The following RANBP2 variants were observed in gnomAD, a reference collection of about 807,000 sequenced individuals.
RANBP2 encodes the protein RAN binding protein 2.
In RANBP2, 57 loss-of-function variants were observed where a neutral mutation model predicts 303.6. The observed-to-expected ratio is 0.19, with a 90% CI of 0.15 to 0.23. The LOEUF is 0.23. RANBP2 is among the 10% of genes least tolerant of loss of function. RANBP2 has a pLI of 1.00. For missense variants in RANBP2, 3,138 were observed against 3,780.8 expected, an observed-to-expected ratio of 0.83 and a Z score of 4.46; for synonymous variants, 1,167 against 1,301.5, an observed-to-expected ratio of 0.90 and a Z score of 2.23.
the RANBP2 span, among the ~76,000 whole-genome samples, chr2:109,255,571 A>G: frequency 2.6e-5 from 4 of 152,232 alleles, no homozygotes; most frequent in Admixed American, 6.5e-5. Flanking sequence ...CAAGGTTGCT[A>G]TCACCTCTAT....
the RANBP2 span, among the ~76,000 whole-genome samples, chr2:109,439,807 G>A: frequency 6.6e-6 from 1 of 152,038 alleles, no homozygotes; most frequent in East Asian, 1.9e-4. Flanking sequence ...AACCAGACAA[G>A]CCCCATTTCC....
At chr2:109,678,880 T>C in the RANBP2 span, among the ~76,000 whole-genome samples, 1 of 152,190 alleles carries the variant, frequency 6.6e-6, no homozygotes, top group East Asian at 1.9e-4. Flanking sequence ...CTGAGAGCGG[T>C]GCTCACCAGG....
chr2:109,498,957 G>T, the RANBP2 span, among the ~76,000 whole-genome samples: 2 of 152,222 alleles, frequency 1.3e-5, no homozygotes, highest in Non-Finnish European at 2.9e-5. Flanking sequence ...CAGAGCTGGT[G>T]GAGTGGGAAG....
the RANBP2 span, among the ~76,000 whole-genome samples, chr2:109,209,198 G>A: frequency 6.6e-6 from 1 of 152,322 alleles, no homozygotes; most frequent in African/African-American, 2.4e-5. Flanking sequence ...TGAGGCTGGT[G>A]GTCTCATATG....
the RANBP2 span, among the ~76,000 whole-genome samples, chr2:109,550,378 T>A: frequency 6.6e-6 from 1 of 151,534 alleles, no homozygotes; most frequent in Non-Finnish European, 1.5e-5. Context: ...AGTGGCATAA[T>A]CTTGGCTCAC....
At chr2:109,401,968 G>A in the RANBP2 span, among the ~76,000 whole-genome samples, 1 of 152,208 alleles carries the variant, frequency 6.6e-6, no homozygotes, top group Non-Finnish European at 1.5e-5. Flanking sequence ...GAAAGTCATG[G>A]CCAGGCTACT....
At chr2:109,344,595 G>A in the RANBP2 span, among the ~76,000 whole-genome samples, 1 of 152,180 alleles carries the variant, frequency 6.6e-6, no homozygotes, top group African/African-American at 2.4e-5. Flanking sequence ...TCCAGCCCAT[G>A]ACAGGCTGAT....
At chr2:109,602,638 G>GCA in the RANBP2 span, among the ~76,000 whole-genome samples, 1 of 148,308 alleles carries the variant, frequency 6.7e-6, no homozygotes, top group Non-Finnish European at 1.5e-5. Context: ...TCGCACCATT[G>GCA]CACTCCAGCC....
At position 108,751,953 on chromosome 2, in the gene RANBP2, C is replaced by T. The variant is rs772325084; in HGVS notation, c.1714C>T (p.Pro572Ser). 1 of 1,611,940 alleles carries T rather than the reference C, an allele frequency of 6.2e-7. No homozygotes were observed. The highest frequency in any genetic ancestry group is 1.1e-5 in the South Asian group (1 of 90,994). Residue 572 changes from proline to serine, a missense_variant, in exon 12 of 29, where the codon CCT becomes TCT. This residue lies in a region of RANBP2 where 162 missense variants were observed against 286.9 expected (regional missense o/e 0.56). Coordinates refer to ENST00000283195, the MANE Select transcript of RANBP2 (RefSeq NM_006267.5). ...LRAQEKHGLQPALLVHWAECL... is the reference protein window; with the variant it reads ...LRAQEKHGLQSALLVHWAECL... The stretch of plus-strand genomic sequence containing the variant: ...AGCCCAGGAAAAACATGGCCTTCAA[C>T]CTGCTCTGCTTGTACATTGGGCAGA...
chr2:109,613,334 C>G, the RANBP2 span: 2 of 379,730 alleles, frequency 5.3e-6, no homozygotes, highest in South Asian at 2.4e-5. Context: ...CTTGGACGAC[C>G]ACACCATCGG....
the RANBP2 span, among the ~76,000 whole-genome samples, chr2:108,928,230 C>T: frequency 3.3e-5 from 5 of 152,204 alleles, no homozygotes; most frequent in Non-Finnish European, 5.9e-5. Flanking sequence ...GCCCTCTGAA[C>T]TCTGGCGTCG....
chr2:109,538,023 A>C, the RANBP2 span, among the ~76,000 whole-genome samples: 1 of 152,170 alleles, frequency 6.6e-6, no homozygotes, highest in Non-Finnish European at 1.5e-5. Context: ...GAGTTTAGAA[A>C]TCTGACTCAC....
At chr2:109,655,748 G>T in the RANBP2 span, among the ~76,000 whole-genome samples, 1 of 152,144 alleles carries the variant, frequency 6.6e-6, no homozygotes, top group Non-Finnish European at 1.5e-5. Flanking sequence ...AAAGATTCTG[G>T]CCTGGGAACA....
chr2:108,773,434 T>G (rs1677650106), intron 23 of RANBP2, among the ~76,000 whole-genome samples: 1 of 152,134 alleles, frequency 6.6e-6, no homozygotes, highest in South Asian at 2.1e-4. Flanking sequence ...GGGTCTAGAC[T>G]AATCAGCTAT....
the RANBP2 span, among the ~76,000 whole-genome samples, chr2:109,164,206 C>T: frequency 6.6e-6 from 1 of 151,758 alleles, no homozygotes; most frequent in Admixed American, 6.6e-5. Context: ...AGAGTTGGGG[C>T]CTTGCTCTGT....
chr2:109,357,242 C>T, the RANBP2 span, among the ~76,000 whole-genome samples: 1 of 151,646 alleles, frequency 6.6e-6, no homozygotes, highest in Non-Finnish European at 1.5e-5. Context: ...AGTGCAGTGG[C>T]ACGATCTCGG....
chr2:109,432,431 C>A, the RANBP2 span: 128 of 1,575,974 alleles, frequency 8.1e-5, 1 homozygote, highest in African/African-American at 1.4e-3. Context: ...AACCTCCCCC[C>A]AGGAATGCCG....
the RANBP2 span, among the ~76,000 whole-genome samples, chr2:109,714,524 T>C: frequency 1.3e-5 from 2 of 152,098 alleles, no homozygotes; most frequent in African/African-American, 4.8e-5. Context: ...ATGGTCTTGT[T>C]CTCTTGACCT....
chr2:108,916,311 G>A, the RANBP2 span, among the ~76,000 whole-genome samples: 70 of 152,314 alleles, frequency 4.6e-4, 2 homozygotes, highest in East Asian at 0.013. Flanking sequence ...GTCCCTTCCT[G>A]TCGGGGCTCG....
Sources: allele counts gnomAD v4.1 joint callset (sites outside exome capture counted in the v4.1 genomes callset), GRCh38; gene constraint gnomAD v4.1.1; regional missense constraint gnomAD v4.1.1; transcripts MANE v1.5; gene names NCBI Gene and HGNC (gene_info 2026-07-23, HGNC 2026-07-21).